Variants in DENND6A observed in about 807,000 individuals in gnomAD.
The protein encoded by DENND6A is protein DENND6A.
A neutral mutation model predicts 95.5 loss-of-function variants in DENND6A; 43 were observed. That is an observed-to-expected ratio of 0.45 (90% CI 0.35 to 0.58). The LOEUF is 0.58. Among genes scored for constraint, DENND6A ranks in the 20% least tolerant of loss-of-function variants. The pLI is 0.00. For synonymous variants in DENND6A, 257 were observed against 260.4 expected (o/e 0.99, Z 0.13); for missense variants, 574 against 736.0 (o/e 0.78, Z 2.55).
rs946510642 is a variant in DENND6A, at chr3:57,625,832, T to C, written c.*2382A>G. 29 of 152,760 alleles carry C rather than the reference T, an allele frequency of 1.9e-4. No individual in the cohort carries two copies. Among genetic ancestry groups the C allele is most frequent in the African/African-American group, 6.7e-4 (28 of 41,576 alleles). The allele number at this position is 152,760 out of a possible 1,614,324, so 9.5% of individuals were successfully genotyped here. A position where few individuals can be genotyped will look rare whatever the true frequency, so the allele number is the denominator to read the frequency against. ...AGTAAAAATGAAGACACCATTATCA[T>C]GCTAATTGGCATCTTTTGCTACTGT... On this transcript the variant is annotated 3_prime_UTR_variant, in exon 20 of 20. Coordinates refer to ENST00000311128, the MANE Select transcript of DENND6A (RefSeq NM_152678.3).
At chr3:57,680,867 T>C (rs2077157973) in intron 1 of DENND6A, among the ~76,000 whole-genome samples, 1 of 152,170 alleles carries the variant, frequency 6.6e-6, no homozygotes, top group Admixed American at 6.5e-5. Context: ...GGCTCATACC[T>C]ACTAGGACAG....
intron 1 of DENND6A, among the ~76,000 whole-genome samples, chr3:57,689,435 CA>C (rs1233081085): frequency 6.6e-6 from 1 of 152,046 alleles, no homozygotes. Flanking sequence ...CAGGAGGTTT[CA>C]AACCTTGTTC....
At chr3:57,678,328 C>T (rs574639985) in intron 1 of DENND6A, among the ~76,000 whole-genome samples, 6 of 152,356 alleles carry the variant, frequency 3.9e-5, no homozygotes, top group African/African-American at 1.4e-4. Context: ...CTGAGAAACA[C>T]GTTCTTCAAG....
At chr3:57,687,670 T>C (rs776634221) in intron 1 of DENND6A, among the ~76,000 whole-genome samples, 1 of 152,170 alleles carries the variant, frequency 6.6e-6, no homozygotes, top group Non-Finnish European at 1.5e-5. Context: ...TGGTCGCTCA[T>C]GTCTGTAATC....
At chr3:57,647,672 G>T (rs2071107404) in intron 9 of DENND6A, among the ~76,000 whole-genome samples, 1 of 152,072 alleles carries the variant, frequency 6.6e-6, no homozygotes, top group Non-Finnish European at 1.5e-5. Flanking sequence ...GAGAAATGAG[G>T]GTATCTCCAT....
chr3:57,628,407 T>C, intron 19 of DENND6A, 62 bp from the exon 20 acceptor site: 1 of 1,551,964 alleles, frequency 6.4e-7, no homozygotes, highest in Non-Finnish European at 8.7e-7. Context: ...ATACATTACA[T>C]TCTCTAAATA....
At chr3:57,689,474 G>A (rs1190206436) in intron 1 of DENND6A, among the ~76,000 whole-genome samples, 2 of 152,160 alleles carry the variant, frequency 1.3e-5, no homozygotes, top group Non-Finnish European at 2.9e-5. Context: ...CTGTGGTAAT[G>A]CCTCCAGAGC....
At chr3:57,663,075 T>TG (rs1491505217) in intron 5 of DENND6A, among the ~76,000 whole-genome samples, 5 of 138,338 alleles carry the variant, frequency 3.6e-5, no homozygotes, top group African/African-American at 1.1e-4. Flanking sequence ...TACTTGAACC[T>TG]GGGAGGCAGA....
chr3:57,644,096 AC>A (rs1266180757), intron 11 of DENND6A, among the ~76,000 whole-genome samples: 1 of 150,858 alleles, frequency 6.6e-6, no homozygotes, highest in Non-Finnish European at 1.5e-5. Flanking sequence ...GTTGCAGTAA[AC>A]CAAGATGGCG....
chr3:57,649,310 CCTCA>C (rs1214618562), intron 9 of DENND6A, among the ~76,000 whole-genome samples: 24 of 151,994 alleles, frequency 1.6e-4, no homozygotes, highest in African/African-American at 5.3e-4. Context: ...TGCACTAGTA[CCTCA>C]CTCCTGCAAG....
At chr3:57,691,818 T>G (rs768443750) in intron 1 of DENND6A, among the ~76,000 whole-genome samples, 16 of 151,996 alleles carry the variant, frequency 1.1e-4, no homozygotes, top group Non-Finnish European at 1.6e-4. Context: ...CTAAAGCCTT[T>G]CGGTAAGGGG....
chr3:57,659,332 AT>A, intron 7 of DENND6A, 152 bp from the exon 8 acceptor site: 1 of 726,938 alleles, frequency 1.4e-6, no homozygotes. Context: ...GGTCATATTT[AT>A]TTTTAGTCAC....
In DENND6A at chr3:57,681,261, C is replaced by T. The variant is rs563546721; in HGVS notation, c.238-8823G>A. Reference sequence around the variant, plus strand: ...CAGGCAGATCACGAGGTCAGGAGATCGACACCATCCTGGCTAACACAGTGA... The same window carrying T: ...CAGGCAGATCACGAGGTCAGGAGATTGACACCATCCTGGCTAACACAGTGA... On this transcript the variant is annotated intron_variant, in intron 1 of 19. Transcript: ENST00000311128. Among the ~76,000 whole-genome samples the T allele has an allele frequency of 2.4e-4, 36 of 152,008 alleles. 1 individual carries two copies. The South Asian group carries it at 5.6e-3, about 24-fold the overall frequency.
chr3:57,673,213 C>CCA (rs780317306), intron 1 of DENND6A, among the ~76,000 whole-genome samples: 1 of 70,714 alleles, frequency 1.4e-5, no homozygotes, highest in Non-Finnish European at 2.4e-5. Context: ...CATTTCGTAT[C>CCA]AAAAAAAAAA....
At chr3:57,684,449 C>G (rs1182355493) in intron 1 of DENND6A, among the ~76,000 whole-genome samples, 1 of 151,926 alleles carries the variant, frequency 6.6e-6, no homozygotes, top group Non-Finnish European at 1.5e-5. Context: ...GGTGACAAAG[C>G]GAGACTCTGT....
intron 9 of DENND6A, among the ~76,000 whole-genome samples, chr3:57,647,651 G>A (rs528090042): frequency 3.4e-4 from 52 of 152,262 alleles, no homozygotes; most frequent in African/African-American, 1.2e-3. Flanking sequence ...CTGGCATAAG[G>A]TGTCAGAGCA....
chr3:57,630,239 T>G (rs915893579), intron 18 of DENND6A, 182 bp downstream of exon 18: 9 of 500,458 alleles, frequency 1.8e-5, no homozygotes, highest in African/African-American at 2.1e-5. Context: ...TTGTAAAGAT[T>G]AAAAGAGATT....
At chr3:57,691,144 G>A (rs2077260644) in intron 1 of DENND6A, among the ~76,000 whole-genome samples, 1 of 152,128 alleles carries the variant, frequency 6.6e-6, no homozygotes, top group African/African-American at 2.4e-5. Flanking sequence ...ATCTCCTTTA[G>A]CTATTTAAAA....
At chr3:57,675,594 T>C (rs1367308317) in intron 1 of DENND6A, among the ~76,000 whole-genome samples, 1 of 152,214 alleles carries the variant, frequency 6.6e-6, no homozygotes, top group Non-Finnish European at 1.5e-5. Context: ...GTTATTTTAG[T>C]GTCTGCAGTG....
Sources: gnomAD v4.1 joint callset for allele counts (sites outside exome capture counted in the v4.1 genomes callset) on GRCh38, gnomAD v4.1.1 for gene constraint, MANE v1.5 for transcripts, NCBI Gene and HGNC (gene_info 2026-07-23, HGNC 2026-07-21) for gene names.